Variants in ABI3BP observed in about 807,000 individuals in gnomAD.
ABI3BP encodes target of Nesh-SH3.
ABI3BP carries 216 observed loss-of-function variants against 268.6 expected under a neutral mutation model. That is an observed-to-expected ratio of 0.80 (90% CI 0.72 to 0.90). ABI3BP has a LOEUF of 0.90. ABI3BP is among the 40% of genes least tolerant of loss of function. The pLI, the probability that ABI3BP is intolerant of heterozygous loss-of-function variation, is 0.00. For missense variants in ABI3BP, 2,090 were observed against 2,182.4 expected (o/e 0.96, Z 0.84); for synonymous variants, 730 against 730.0 (o/e 1.00, Z 0.00).
At chr3:100,855,420 A>G (rs1003708390) in intron 14 of ABI3BP, among the ~76,000 whole-genome samples, 2 of 152,212 alleles carry the variant, frequency 1.3e-5, no homozygotes, top group Admixed American at 1.3e-4. Context: ...CTTCCTTTTT[A>G]ACATTAACTC....
At position 100,898,795 on chromosome 3, in the gene ABI3BP, T is replaced by C; in HGVS notation, c.428A>G (p.Asp143Gly). ...SWGFLINPHH[D>G]WTLPSHCPND... ...GGGACAGTGACTTGGCAATGTCCAG[T>C]CATGGTGTGGGTTGATGAGGAAACC... Residue 143 changes from aspartate (D) to glycine (G), a missense_variant, in exon 4 of 68, where the codon GAC becomes GGC. Physicochemically the swap from Asp to Gly is moderately conservative, Grantham distance 94. Coordinates refer to ENST00000471714, the MANE Select transcript of ABI3BP (RefSeq NM_001375547.2). 4 of 1,613,720 alleles carry C rather than the reference T, an allele frequency of 2.5e-6. No homozygotes were observed.
At chr3:100,835,471 A>AAT in intron 28 of ABI3BP, 130 bp downstream of exon 28, 1 of 694,202 alleles carries the variant, frequency 1.4e-6, no homozygotes, top group Non-Finnish European at 2.3e-6. Context: ...CAAAATGAAG[A>AAT]ATATAGTTCA....
intron 1 of ABI3BP, among the ~76,000 whole-genome samples, chr3:100,932,243 A>G (rs2063884665): frequency 6.6e-6 from 1 of 152,102 alleles, no homozygotes; most frequent in South Asian, 2.1e-4. Context: ...CTAAAACTAT[A>G]AAAACCTCAG....
At chr3:100,843,405 T>C (rs1580120030) in intron 20 of ABI3BP, among the ~76,000 whole-genome samples, 1 of 85,522 alleles carries the variant, frequency 1.2e-5, no homozygotes, top group South Asian at 4.0e-4. Flanking sequence ...ATTCTGAGTG[T>C]GTGTGTGTGT....
intron 14 of ABI3BP, among the ~76,000 whole-genome samples, chr3:100,859,932 C>T (rs1024637742): frequency 1.4e-4 from 21 of 152,088 alleles, no homozygotes; most frequent in Admixed American, 1.2e-3. Flanking sequence ...ATTAGCCAGG[C>T]ATGGTGGCAG....
chr3:100,972,330 C>T (rs746321432), intron 1 of ABI3BP, among the ~76,000 whole-genome samples: 15 of 152,068 alleles, frequency 9.9e-5, no homozygotes, highest in Non-Finnish European at 1.2e-4. Flanking sequence ...TTATAAAGTA[C>T]TTTTAAGATG....
At chr3:100,926,685 C>T (rs571975695) in intron 1 of ABI3BP, among the ~76,000 whole-genome samples, 3 of 152,284 alleles carry the variant, frequency 2.0e-5, no homozygotes, top group Non-Finnish European at 2.9e-5. Context: ...GTATATCTTA[C>T]TGTTCAATAC....
chr3:100,877,038 A>G (rs2099168030), intron 6 of ABI3BP, among the ~76,000 whole-genome samples: 1 of 152,134 alleles, frequency 6.6e-6, no homozygotes, highest in South Asian at 2.1e-4. Flanking sequence ...CCTCTACTTT[A>G]TTGGATTCAC....
At chr3:100,900,780 C>CA (rs1482735503) in intron 3 of ABI3BP, among the ~76,000 whole-genome samples, 1 of 152,008 alleles carries the variant, frequency 6.6e-6, no homozygotes, top group Non-Finnish European at 1.5e-5. Flanking sequence ...ATCCGCTATC[C>CA]AAAAAGAAAG....
At position 100,780,181 on chromosome 3, in the gene ABI3BP, A is replaced by T; in HGVS notation, c.4191T>A (p.Gly1397=). ...TGVKQAPRPS[G]ADRNVSVDST... is the part of the protein sequence containing the mutation. ...AGTCCACTGATACATTTCTATCAGC[A>T]CCTGATGGCCTGGGTGCTTGCTTGA... The change falls in exon 58 of 68, where the codon GGT becomes GGA. Residue 1397 remains glycine (G), a synonymous_variant. Transcript: ENST00000471714. The T allele has an allele frequency of 6.2e-7, 1 of 1,612,986 alleles. No homozygotes were observed. Among genetic ancestry groups the T allele is most frequent in the Non-Finnish European group, 8.5e-7 (1 of 1,179,214 alleles).
intron 33 of ABI3BP, 34 bp downstream of exon 33, chr3:100,829,547 G>T (rs1299370131): frequency 6.6e-7 from 1 of 1,515,040 alleles, no homozygotes; most frequent in East Asian, 2.5e-5. Context: ...GGGGTGGGCT[G>T]TTAGGATTCC....
chr3:100,920,596 C>T (rs1419791583), intron 2 of ABI3BP, among the ~76,000 whole-genome samples: 1 of 151,838 alleles, frequency 6.6e-6, no homozygotes, highest in Non-Finnish European at 1.5e-5. Flanking sequence ...CTAATTTTTG[C>T]ATTTTTAGTA....
chr3:100,805,472 T>C (rs915606785), intron 50 of ABI3BP, among the ~76,000 whole-genome samples: 1 of 152,086 alleles, frequency 6.6e-6, no homozygotes, highest in Non-Finnish European at 1.5e-5. Flanking sequence ...GGTACTAATA[T>C]AATAGACACC....
intron 2 of ABI3BP, among the ~76,000 whole-genome samples, chr3:100,917,179 G>T (rs994489140): frequency 1.3e-5 from 2 of 152,182 alleles, no homozygotes; most frequent in Admixed American, 6.5e-5. Context: ...GAGCCCATCA[G>T]GGAAGGTGAG....
chr3:100,950,484 A>G (rs1359297253), intron 1 of ABI3BP, among the ~76,000 whole-genome samples: 3 of 150,126 alleles, frequency 2.0e-5, no homozygotes, highest in Middle Eastern at 3.4e-3. Context: ...GTGAGTCAGG[A>G]ATGGTATCAC....
chr3:100,829,544 G>T, intron 33 of ABI3BP, 37 bp downstream of exon 33: 1 of 1,502,046 alleles, frequency 6.7e-7, no homozygotes, highest in Non-Finnish European at 9.0e-7. Context: ...ACTGGGGTGG[G>T]CTGTTAGGAT....
intron 63 of ABI3BP, among the ~76,000 whole-genome samples, chr3:100,764,765 C>G (rs925373559): frequency 5.3e-5 from 8 of 152,212 alleles, no homozygotes; most frequent in African/African-American, 1.4e-4. Flanking sequence ...CTTTCTCCCC[C>G]TCTCGATCTA....
At chr3:100,760,292 A>G (rs939726284) in intron 63 of ABI3BP, among the ~76,000 whole-genome samples, 1 of 152,206 alleles carries the variant, frequency 6.6e-6, no homozygotes, top group African/African-American at 2.4e-5. Flanking sequence ...TGAATTCTTT[A>G]ATTTTTCAGT....
At position 100,830,614 on chromosome 3, in the gene ABI3BP, G is replaced by T. The variant is rs764125945; in HGVS notation, c.2422C>A (p.Pro808Thr). 3.9e-6 allele frequency: 6 copies of T among 1,533,288 alleles called. No homozygotes were observed. The South Asian group carries it at 7.2e-5, about 18-fold the overall frequency. The allele number at this position is 1,533,288 out of a possible 1,614,324, so 95.0% of individuals were successfully genotyped here. A position where few individuals can be genotyped will look rare whatever the true frequency, so the allele number is the denominator to read the frequency against. The change falls in exon 32 of 68, where the codon CCA (proline) becomes ACA (threonine). Residue 808 changes from proline (P) to threonine (T), a missense_variant. Pro to Thr is a conservative substitution (Grantham distance 38). Transcript: ENST00000471714. ...CCTGAAGCCTCAGTTCTAAGAACTG[G>T]TTCGAGGATTGTGGCAGGAACTGAT... The part of the protein sequence containing the change: ...TKLVPATILE[P>T]VLRTEASGTT...
Sources: allele counts gnomAD v4.1 joint callset (sites outside exome capture counted in the v4.1 genomes callset), GRCh38; gene constraint gnomAD v4.1.1; transcripts MANE v1.5; gene names NCBI Gene and HGNC (gene_info 2026-07-23, HGNC 2026-07-21).